CDHR3: variants seen among roughly 807,000 people sequenced by gnomAD.
CDHR3 encodes cadherin-related family member 3.
CDHR3 carries 79 observed loss-of-function variants against 86.6 expected under a neutral mutation model. That is an observed-to-expected ratio of 0.91 (90% CI 0.76 to 1.10). The LOEUF is 1.10. CDHR3 is among the 50% of genes least tolerant of loss of function. The probability of loss-of-function intolerance (pLI) is 0.00; values close to 1 mark genes in which losing one functional copy is unlikely to be tolerated. For missense variants in CDHR3, 1,081 were observed against 1,077.6 expected (o/e 1.00, Z -0.04); for synonymous variants, 421 against 402.4 (o/e 1.05, Z -0.55).
intron 4 of CDHR3, among the ~76,000 whole-genome samples, chr7:105,986,069 A>G (rs1830480645): frequency 6.6e-6 from 1 of 152,172 alleles, no homozygotes; most frequent in Non-Finnish European, 1.5e-5. Flanking sequence ...TCAGAGTTCC[A>G]TGCAAGAAAA....
intron 5 of CDHR3, among the ~76,000 whole-genome samples, chr7:105,995,911 A>T (rs796784419): frequency 1.3e-4 from 20 of 152,170 alleles, no homozygotes; most frequent in African/African-American, 4.1e-4. Context: ...CATGTGAGCC[A>T]TGGGGGCCTC....
At chr7:106,002,202 G>T (rs1833299438) in intron 7 of CDHR3, among the ~76,000 whole-genome samples, 1 of 152,114 alleles carries the variant, frequency 6.6e-6, no homozygotes, top group South Asian at 2.1e-4. Flanking sequence ...CCATTGTTAG[G>T]CTTGTGACTG....
At chr7:105,973,301 T>A (rs560559223) in intron 1 of CDHR3, among the ~76,000 whole-genome samples, 8 of 152,366 alleles carry the variant, frequency 5.3e-5, no homozygotes, top group African/African-American at 1.9e-4. Flanking sequence ...TGCACTTATT[T>A]GTAACATTGG....
At chr7:105,994,640 C>T (rs750549872) in intron 4 of CDHR3, 111 bp from the exon 5 acceptor site, 26 of 766,938 alleles carry the variant, frequency 3.4e-5, no homozygotes, top group Non-Finnish European at 5.0e-5. Flanking sequence ...CCTGATGCAT[C>T]GAGAACGTTC....
chr7:106,019,831 C>T (rs1836274902), intron 12 of CDHR3, among the ~76,000 whole-genome samples: 1 of 152,196 alleles, frequency 6.6e-6, no homozygotes, highest in Non-Finnish European at 1.5e-5. Flanking sequence ...AGGGCCCTGA[C>T]CCCCACCCTC....
chr7:106,031,522 G>T (rs1323257750), intron 18 of CDHR3, among the ~76,000 whole-genome samples: 1 of 152,180 alleles, frequency 6.6e-6, no homozygotes, highest in African/African-American at 2.4e-5. Context: ...AAACGGCACC[G>T]GTCCTCCTCC....
chr7:105,985,881 T>C (rs922061353), intron 4 of CDHR3, among the ~76,000 whole-genome samples: 3 of 152,220 alleles, frequency 2.0e-5, no homozygotes, highest in African/African-American at 4.8e-5. Flanking sequence ...GGGAACTTTT[T>C]TTCTTCTCTA....
At chr7:106,011,908 A>G (rs1834865594) in intron 8 of CDHR3, among the ~76,000 whole-genome samples, 1 of 152,154 alleles carries the variant, frequency 6.6e-6, no homozygotes, top group Non-Finnish European at 1.5e-5. Context: ...TCTCTTTTGG[A>G]TGAATAATAT....
At chr7:106,003,133 C>CAAAAA (rs35573554) in intron 7 of CDHR3, among the ~76,000 whole-genome samples, 2 of 100,082 alleles carry the variant, frequency 2.0e-5, no homozygotes, top group African/African-American at 7.0e-5. Flanking sequence ...AAACCTGTCT[C>CAAAAA]AAAAAAAAAA....
At chr7:105,972,208 C>T (rs547995314) in intron 1 of CDHR3, among the ~76,000 whole-genome samples, 11 of 152,208 alleles carry the variant, frequency 7.2e-5, no homozygotes, top group South Asian at 2.1e-4. Context: ...ATACCTATGT[C>T]GGAGGATTGT....
chr7:105,967,524 C>T (rs373495357), intron 1 of CDHR3, among the ~76,000 whole-genome samples: 1 of 152,184 alleles, frequency 6.6e-6, no homozygotes, highest in Admixed American at 6.5e-5. Context: ...CTTGAGGAAT[C>T]GCCACACTGA....
rs116673661 is a variant in CDHR3 at position 106,010,852 on chromosome 7, G to A, written c.1053-2008G>A. ...AAGGCTGATCTGAGTGAAGGAAAGA[G>A]GGAGAAAAGGTAGTTGGACATATTC... On this transcript the variant is annotated intron_variant, in intron 8 of 18. Transcript: ENST00000317716. Among the ~76,000 whole-genome samples, 483 of 152,348 alleles carry A rather than the reference G, an allele frequency of 3.2e-3. 3 individuals carry two copies. The highest frequency in any genetic ancestry group is 0.011 in the African/African-American group (467 of 41,568).
In CDHR3 at chr7:106,032,452, C is replaced by G. The variant is rs1563317354; in HGVS notation, c.2413C>G (p.Leu805Val). Reference sequence around the variant, plus strand: ...TGGAGCCAGAAAGTGGAAAGATCCACTAACCCAAATGCCAAAATGGAAAGA... The same window carrying G: ...TGGAGCCAGAAAGTGGAAAGATCCAGTAACCCAAATGCCAAAATGGAAAGA... ...KTGARKWKDP[L>V]TQMPKWKESS... Residue 805 changes from leucine to valine, a missense_variant, in exon 19 of 19, where the codon CTA becomes GTA. Transcript: ENST00000317716. The G allele has an allele frequency of 6.2e-7, 1 of 1,613,642 alleles. No homozygotes were observed.
intron 14 of CDHR3, among the ~76,000 whole-genome samples, chr7:106,023,842 T>C (rs1836952094): frequency 6.6e-6 from 1 of 152,186 alleles, no homozygotes; most frequent in African/African-American, 2.4e-5. Flanking sequence ...CATGACCTGA[T>C]TGTGACATCT....
chr7:105,999,313 G>T (rs879402127), intron 6 of CDHR3, among the ~76,000 whole-genome samples: 1 of 152,154 alleles, frequency 6.6e-6, no homozygotes, highest in Non-Finnish European at 1.5e-5. Context: ...AGAATATTTC[G>T]CCTGAGGAGC....
chr7:106,003,300 A>G (rs909580218), intron 7 of CDHR3, among the ~76,000 whole-genome samples: 40 of 152,146 alleles, frequency 2.6e-4, no homozygotes, highest in African/African-American at 9.7e-4. Flanking sequence ...ACTGTATGGG[A>G]CAGTGTCATC....
At chr7:105,980,607 A>T (rs1034080481) in intron 2 of CDHR3, among the ~76,000 whole-genome samples, 144 of 98,298 alleles carry the variant, frequency 1.5e-3, no homozygotes, top group Middle Eastern at 6.2e-3. Context: ...TTTTTTTTTA[A>T]TTTTTTTTTT....
At chr7:106,028,628 A>G in intron 17 of CDHR3, 46 bp downstream of exon 17, 2 of 1,609,082 alleles carry the variant, frequency 1.2e-6, no homozygotes, top group Non-Finnish European at 1.7e-6. Flanking sequence ...GCTGGGGGAT[A>G]GGGGCTCCCG....
rs1831070527 is a variant in CDHR3, at chr7:105,989,686, GGATGGGATCTTTCA to G, written c.514-5063_514-5050del. Among the ~76,000 whole-genome samples the G allele has an allele frequency of 2.6e-5, 4 of 152,262 alleles. No homozygotes were observed. The South Asian group carries it at 8.3e-4, about 32-fold the overall frequency. On this transcript the variant is annotated intron_variant, in intron 4 of 18. Coordinates refer to ENST00000317716, the MANE Select transcript of CDHR3 (RefSeq NM_152750.5). The stretch of plus-strand genomic sequence containing the variant: ...CCTGGCCCTATCAAGGGTCCCAGCT[GGATGGGATCTTTCA>G]GGTCCATTGGGCAGTCCTTGATTTC...
Sources: gnomAD v4.1 joint callset for allele counts (sites outside exome capture counted in the v4.1 genomes callset) on GRCh38, gnomAD v4.1.1 for gene constraint, MANE v1.5 for transcripts, NCBI Gene and HGNC (gene_info 2026-07-23, HGNC 2026-07-21) for gene names.